Variants in TAS2R1 observed in about 807,000 individuals in gnomAD.
TAS2R1 encodes the protein taste 2 receptor member 1, also known as taste receptor type 2 member 1.
For missense variants in TAS2R1, 370 were observed against 353.4 expected, an observed-to-expected ratio of 1.05 and a Z score of -0.38; for synonymous variants, 141 against 134.2, an observed-to-expected ratio of 1.05 and a Z score of -0.35.
At chr5:9,736,900 G>T in the TAS2R1 span, among the ~76,000 whole-genome samples, 2 of 152,174 alleles carry the variant, frequency 1.3e-5, no homozygotes, top group Non-Finnish European at 2.9e-5. Context: ...ATAGCCATGT[G>T]TAAGGTCATA....
chr5:9,790,701 T>G, the TAS2R1 span, among the ~76,000 whole-genome samples: 1 of 152,190 alleles, frequency 6.6e-6, no homozygotes, highest in Non-Finnish European at 1.5e-5. Context: ...TAATCTCGGC[T>G]CATTGCAACC....
chr5:9,638,617 G>A (rs1740012933), intron 2 of TAS2R1, among the ~76,000 whole-genome samples: 1 of 152,216 alleles, frequency 6.6e-6, no homozygotes, highest in African/African-American at 2.4e-5. Flanking sequence ...GGGGCTGTAA[G>A]CTTGCCCTAA....
chr5:9,840,857 ATTTTT>A, the TAS2R1 span, among the ~76,000 whole-genome samples: 54 of 132,086 alleles, frequency 4.1e-4, no homozygotes, highest in African/African-American at 1.1e-3. Context: ...TTATTTATTT[ATTTTT>A]TTTTTTTTTT....
chr5:9,853,982 T>A, the TAS2R1 span, among the ~76,000 whole-genome samples: 1 of 152,360 alleles, frequency 6.6e-6, no homozygotes, highest in South Asian at 2.1e-4. Context: ...CCTGTACTAG[T>A]TTGCTAGAGC....
At chr5:9,645,078 T>C (rs1208356255) in intron 2 of TAS2R1, among the ~76,000 whole-genome samples, 1 of 152,184 alleles carries the variant, frequency 6.6e-6, no homozygotes, top group Non-Finnish European at 1.5e-5. Flanking sequence ...TTAAATAACA[T>C]GGGAATTATC....
At chr5:9,903,574 G>A in the TAS2R1 span, 4 of 152,174 alleles carry the variant, frequency 2.6e-5, no homozygotes, top group Non-Finnish European at 4.4e-5. Flanking sequence ...AACAGATGAT[G>A]TTTGGTTTTC....
At chr5:9,664,810 G>C (rs773975144) in intron 1 of TAS2R1, among the ~76,000 whole-genome samples, 38 of 152,110 alleles carry the variant, frequency 2.5e-4, no homozygotes, top group Non-Finnish European at 5.0e-4. Context: ...TGAGAAATGT[G>C]ATTACATTTA....
chr5:9,725,804 G>A, the TAS2R1 span, among the ~76,000 whole-genome samples: 1 of 152,254 alleles, frequency 6.6e-6, no homozygotes, highest in South Asian at 2.1e-4. Flanking sequence ...CGTCTGGTGG[G>A]GACGTGGAGA....
chr5:9,753,913 G>T, the TAS2R1 span, among the ~76,000 whole-genome samples: 1 of 152,160 alleles, frequency 6.6e-6, no homozygotes, highest in Non-Finnish European at 1.5e-5. Context: ...CTATATATCT[G>T]TTTTGGTACC....
chr5:9,738,494 A>C, the TAS2R1 span, among the ~76,000 whole-genome samples: 1 of 152,204 alleles, frequency 6.6e-6, no homozygotes, highest in Non-Finnish European at 1.5e-5. Context: ...GCAACTCATT[A>C]TTATTCCAAT....
chr5:9,820,066 A>G, the TAS2R1 span, among the ~76,000 whole-genome samples: 2 of 152,038 alleles, frequency 1.3e-5, no homozygotes, highest in Non-Finnish European at 2.9e-5. Context: ...GGATCCAGAA[A>G]TCACATTTAT....
Position 9,650,408 on chromosome 5 carries a change from C to T in TAS2R1, c.-81+9013G>A, listed in dbSNP as rs558526032. On this transcript the variant is annotated intron_variant, in intron 2 of 2. Transcript: ENST00000506620. Reference sequence around the variant, plus strand: ...GTGTGGTGCATTTTCTATACACTCCCGGCTATGTAGGACGGACAGACCCAT... The same window carrying T: ...GTGTGGTGCATTTTCTATACACTCCTGGCTATGTAGGACGGACAGACCCAT... Among the ~76,000 whole-genome samples the T allele has an allele frequency of 8.7e-4, 132 of 152,050 alleles. 2 individuals are homozygous for T. In the South Asian group the frequency reaches 0.026, roughly 29 times the overall value.
chr5:9,876,223 G>A, the TAS2R1 span, among the ~76,000 whole-genome samples: 11 of 150,940 alleles, frequency 7.3e-5, no homozygotes, highest in African/African-American at 2.7e-4. Context: ...GAGGAGGAAA[G>A]GACGACAAAC....
chr5:9,820,599 ACACT>A, the TAS2R1 span, among the ~76,000 whole-genome samples: 4 of 152,202 alleles, frequency 2.6e-5, no homozygotes, highest in African/African-American at 9.6e-5. Context: ...CAAAGCACAA[ACACT>A]CACAGCACTG....
At chr5:9,747,207 C>G in the TAS2R1 span, among the ~76,000 whole-genome samples, 4 of 152,096 alleles carry the variant, frequency 2.6e-5, no homozygotes, top group Non-Finnish European at 4.4e-5. Context: ...ATATGGATAT[C>G]ATTAGGAACC....
the TAS2R1 span, among the ~76,000 whole-genome samples, chr5:9,786,894 A>G: frequency 6.6e-6 from 1 of 152,172 alleles, no homozygotes; most frequent in Non-Finnish European, 1.5e-5. Context: ...TTCTCTGCAT[A>G]AGCCACATCA....
the TAS2R1 span, among the ~76,000 whole-genome samples, chr5:9,812,013 T>C: frequency 1.3e-5 from 2 of 152,110 alleles, no homozygotes; most frequent in Admixed American, 1.3e-4. Flanking sequence ...CTCTTGTCAT[T>C]ATTTCAACTG....
the TAS2R1 span, among the ~76,000 whole-genome samples, chr5:9,884,515 T>A: frequency 6.7e-6 from 1 of 150,256 alleles, no homozygotes; most frequent in Non-Finnish European, 1.5e-5. Context: ...CTTAATACTT[T>A]ACAATCACAA....
intron 2 of TAS2R1, among the ~76,000 whole-genome samples, chr5:9,658,050 C>T (rs966332953): frequency 4.6e-5 from 7 of 152,216 alleles, no homozygotes; most frequent in Middle Eastern, 3.4e-3. Flanking sequence ...CCCTTCATCC[C>T]GCCACCTTTC....
Sources: gnomAD v4.1 joint callset for allele counts (sites outside exome capture counted in the v4.1 genomes callset) on GRCh38, gnomAD v4.1.1 for gene constraint, MANE v1.5 for transcripts, NCBI Gene and HGNC (gene_info 2026-07-23, HGNC 2026-07-21) for gene names.